Variants in CLOCK observed in about 807,000 individuals in gnomAD.
The protein encoded by CLOCK is circadian locomoter output cycles protein kaput.
Under a neutral mutation model 118.4 loss-of-function variants are expected in CLOCK, and 43 were observed. The ratio of observed to expected loss-of-function variants is 0.36; its 90% CI spans 0.28 to 0.47. The LOEUF (loss-of-function observed/expected upper bound fraction) is 0.47. Ranked by LOEUF, CLOCK falls within the 20% of genes least tolerant of loss-of-function variation. The pLI is 1.00. For synonymous variants in CLOCK, 326 were observed against 339.2 expected, an observed-to-expected ratio of 0.96 and a Z score of 0.43; for missense variants, 846 against 999.9, an observed-to-expected ratio of 0.85 and a Z score of 2.08.
intron 1 of CLOCK, among the ~76,000 whole-genome samples, chr4:55,510,801 G>A (rs1729099554): frequency 6.6e-6 from 1 of 152,116 alleles, no homozygotes; most frequent in Non-Finnish European, 1.5e-5. Flanking sequence ...TGACATTTGT[G>A]TGGAAGTAAA....
At chr4:55,469,771 C>T (rs1577738169) in intron 8 of CLOCK, among the ~76,000 whole-genome samples, 1 of 152,260 alleles carries the variant, frequency 6.6e-6, no homozygotes, top group East Asian at 1.9e-4. Context: ...GCAGTGGCAC[C>T]ATCACGGCCC....
At chr4:55,449,367 T>C in intron 17 of CLOCK, 29 bp downstream of exon 17, 1 of 1,555,702 alleles carries the variant, frequency 6.4e-7, no homozygotes, top group Non-Finnish European at 8.9e-7. Context: ...TAAATCTTTA[T>C]TCAGAAGAAT....
At chr4:55,546,706 A>C (rs115635692) in intron 1 of CLOCK, 76 bp downstream of exon 1, 33,773 of 139,000 alleles carry the variant, frequency 0.24, 4,404 homozygotes, top group South Asian at 0.38. Flanking sequence ...CCACCAGCCC[A>C]GGAGCGCGCA....
intron 2 of CLOCK, among the ~76,000 whole-genome samples, chr4:55,506,597 G>T (rs1728810210): frequency 6.6e-6 from 1 of 151,378 alleles, no homozygotes; most frequent in African/African-American, 2.4e-5. Flanking sequence ...TTTTTGAGAT[G>T]GAGTCTCGCT....
chr4:55,443,780 A>T lies in CLOCK; in HGVS notation c.1809T>A (p.Pro603=). The T allele has an allele frequency of 1.2e-6, 2 of 1,614,092 alleles. No individual in the cohort carries two copies. The highest frequency in any genetic ancestry group is 1.7e-6 in the Non-Finnish European group (2 of 1,179,962). ...TCATTCCACTTTGAATCTGGTTAGTAGGAACAACTTGGCCTTGCATATTTA... is the reference window on the plus strand; with the variant it reads ...TCATTCCACTTTGAATCTGGTTAGTTGGAACAACTTGGCCTTGCATATTTA... ...APINMQGQVV[P]TNQIQSGMNT... Residue 603 remains proline (P), a synonymous_variant, in exon 20 of 23, where the codon CCT becomes CCA. Coordinates refer to ENST00000513440, the MANE Select transcript of CLOCK (RefSeq NM_004898.4).
chr4:55,513,671 T>C (rs979996894), intron 1 of CLOCK, among the ~76,000 whole-genome samples: 1 of 152,124 alleles, frequency 6.6e-6, no homozygotes, highest in Non-Finnish European at 1.5e-5. Flanking sequence ...TGGAATCAGT[T>C]TGTTAATATC....
rs1161290478 is a variant in CLOCK at position 55,432,946 on chromosome 4, G to A, written c.*2469C>T. The A allele has an allele frequency of 6.6e-6, 1 of 152,626 alleles. No homozygotes were observed. Among genetic ancestry groups the A allele is most frequent in the Non-Finnish European group, 1.5e-5 (1 of 68,044 alleles). 9.5% of individuals were successfully genotyped at this position (152,626 alleles called of 1,614,324 possible). A position where few individuals can be genotyped will look rare whatever the true frequency, so the allele number is the denominator to read the frequency against. On this transcript the variant is annotated 3_prime_UTR_variant, in exon 23 of 23. Transcript: ENST00000513440. ...TTACCTGGGGCTTGTCTTATGCTTT[G>A]TTGCTGTCAACCTAAGTAGTACTCA...
intron 6 of CLOCK, among the ~76,000 whole-genome samples, chr4:55,478,197 C>A (rs1726656067): frequency 6.6e-6 from 1 of 151,904 alleles, no homozygotes; most frequent in Non-Finnish European, 1.5e-5. Context: ...TTTAAATTTT[C>A]TTTCCATGAC....
At position 55,504,011 on chromosome 4, in the gene CLOCK, A is replaced by G. The variant is rs563872416; in HGVS notation, c.-136+5901T>C. 3.1e-4 allele frequency among the ~76,000 whole-genome samples: 44 copies of G among 140,854 alleles called. 1 individual carries two copies. The highest frequency in any genetic ancestry group is 7.9e-4 in the Admixed American group (11 of 13,988). 92.4% of individuals were successfully genotyped at this position (140,854 alleles called of 152,430 possible). On this transcript the variant is annotated intron_variant, in intron 2 of 22. Transcript: ENST00000513440. ...AAAAAAAAAAAAAAAAAAGCCGGGC[A>G]CAGTGGCTCACGCCTGTAATCCCAG...
chr4:55,470,310 A>C (rs927235696), intron 8 of CLOCK, among the ~76,000 whole-genome samples: 1 of 152,160 alleles, frequency 6.6e-6, no homozygotes, highest in African/African-American at 2.4e-5. Context: ...TTAAACATAT[A>C]AATACTGTGT....
chr4:55,493,870 T>A (rs1274121082), intron 2 of CLOCK, among the ~76,000 whole-genome samples: 1 of 152,194 alleles, frequency 6.6e-6, no homozygotes, highest in Admixed American at 6.5e-5. Flanking sequence ...AAGACAAACA[T>A]CAACTGACAC....
intron 8 of CLOCK, among the ~76,000 whole-genome samples, chr4:55,465,228 G>C (rs946010070): frequency 6.6e-6 from 1 of 150,786 alleles, no homozygotes; most frequent in Non-Finnish European, 1.5e-5. Flanking sequence ...CATTGTATTA[G>C]TTATTATAAA....
At chr4:55,532,038 G>T (rs533524586) in intron 1 of CLOCK, among the ~76,000 whole-genome samples, 4 of 151,958 alleles carry the variant, frequency 2.6e-5, no homozygotes, top group Non-Finnish European at 4.4e-5. Context: ...ATCAATTAGG[G>T]TAATATACCA....
intron 2 of CLOCK, among the ~76,000 whole-genome samples, chr4:55,491,810 A>G (rs1178704466): frequency 7.1e-6 from 1 of 140,920 alleles, no homozygotes; most frequent in Non-Finnish European, 1.6e-5. Context: ...GAGAGTACAT[A>G]GTTTTTTTAA....
At chr4:55,463,041 T>C (rs914449836) in intron 9 of CLOCK, among the ~76,000 whole-genome samples, 6 of 152,200 alleles carry the variant, frequency 3.9e-5, no homozygotes, top group African/African-American at 1.2e-4. Flanking sequence ...CTGGATTTTA[T>C]ACAGGGTAAT....
In CLOCK at chr4:55,431,260, A is replaced by T. The variant is rs1175573563; in HGVS notation, c.*4155T>A. On this transcript the variant is annotated 3_prime_UTR_variant, in exon 23 of 23. Coordinates refer to ENST00000513440, the MANE Select transcript of CLOCK (RefSeq NM_004898.4). ...CACTATCTTTTGGTAGGCTGACAAT[A>T]GGCACATTACCCATGCGGATGAGGC... 6.6e-6 allele frequency: 1 copy of T among 152,214 alleles called. No homozygotes were observed. The highest frequency in any genetic ancestry group is 1.5e-5 in the Non-Finnish European group (1 of 68,042). The allele number at this position is 152,214 out of a possible 1,614,324, so 9.4% of individuals were successfully genotyped here. A position where few individuals can be genotyped will look rare whatever the true frequency, so the allele number is the denominator to read the frequency against.
At chr4:55,544,730 AT>A (rs1731495997) in intron 1 of CLOCK, among the ~76,000 whole-genome samples, 1 of 152,200 alleles carries the variant, frequency 6.6e-6, no homozygotes, top group African/African-American at 2.4e-5. Context: ...ACACACAAAA[AT>A]TTGAAAACAT....
At chr4:55,518,178 G>A (rs1420080169) in intron 1 of CLOCK, among the ~76,000 whole-genome samples, 1 of 152,106 alleles carries the variant, frequency 6.6e-6, no homozygotes, top group Admixed American at 6.5e-5. Context: ...CTTAGGGAAG[G>A]GAGGGTATAA....
chr4:55,495,929 C>G (rs1728040530), intron 2 of CLOCK, among the ~76,000 whole-genome samples: 1 of 152,140 alleles, frequency 6.6e-6, no homozygotes, highest in African/African-American at 2.4e-5. Context: ...TGGCTCACAC[C>G]TGTAATCCCA....
Sources: gnomAD v4.1 joint callset for allele counts (sites outside exome capture counted in the v4.1 genomes callset) on GRCh38, gnomAD v4.1.1 for gene constraint, MANE v1.5 for transcripts, NCBI Gene and HGNC (gene_info 2026-07-23, HGNC 2026-07-21) for gene names.